Variants in ERG observed in about 807,000 individuals in gnomAD.
The protein encoded by ERG is ETS transcription factor ERG.
A neutral mutation model predicts 55.3 loss-of-function variants in ERG; 9 were observed. The observed-to-expected ratio is 0.16, with a 90% CI of 0.10 to 0.28. The LOEUF (loss-of-function observed/expected upper bound fraction) is 0.28, where lower values mean the gene tolerates loss of function less well. Among genes scored for constraint, ERG ranks in the 10% least tolerant of loss-of-function variants. The pLI is 1.00. For synonymous variants in ERG, 223 were observed against 237.3 expected (o/e 0.94, Z 0.55); for missense variants, 434 against 631.6 (o/e 0.69, Z 3.35).
intron 1 of ERG, among the ~76,000 whole-genome samples, chr21:38,661,122 T>A (rs1462977151): frequency 1.9e-5 from 2 of 104,114 alleles, no homozygotes; most frequent in Non-Finnish European, 3.6e-5. Flanking sequence ...ACGCGACTAC[T>A]GGAGGGGCGA....
chr21:38,645,240 G>A (rs941715864), intron 1 of ERG, among the ~76,000 whole-genome samples: 10 of 152,048 alleles, frequency 6.6e-5, no homozygotes, highest in Admixed American at 3.3e-4. Context: ...TACAGTTAAC[G>A]GCCCCAATTA....
chr21:38,642,383 T>C (rs78464746), intron 1 of ERG, among the ~76,000 whole-genome samples: 1 of 152,350 alleles, frequency 6.6e-6, no homozygotes, highest in East Asian at 1.9e-4. Flanking sequence ...CACCATCTTC[T>C]AAAGTTCAAA....
intron 1 of ERG, among the ~76,000 whole-genome samples, chr21:38,594,371 C>T (rs923035912): frequency 2.8e-4 from 43 of 152,204 alleles, no homozygotes; most frequent in African/African-American, 6.5e-4. Flanking sequence ...CATGCCTCCC[C>T]GTTAACCCAT....
At chr21:38,554,526 A>G (rs565561330) in intron 2 of ERG, among the ~76,000 whole-genome samples, 1 of 152,320 alleles carries the variant, frequency 6.6e-6, no homozygotes, top group African/African-American at 2.4e-5. Flanking sequence ...TTGCAGTAAC[A>G]TGAATGGAGC....
chr21:38,390,169 T>C (rs556889708), intron 9 of ERG, among the ~76,000 whole-genome samples: 1 of 152,318 alleles, frequency 6.6e-6, no homozygotes, highest in South Asian at 2.1e-4. Context: ...AATAAAACTA[T>C]GTGGTTGGCA....
At chr21:38,659,654 G>A (rs544432326) in intron 1 of ERG, among the ~76,000 whole-genome samples, 1 of 152,370 alleles carries the variant, frequency 6.6e-6, no homozygotes, top group South Asian at 2.1e-4. Flanking sequence ...TGTACAGAGT[G>A]AAACCTGTAG....
chr21:38,461,060 G>A (rs370343933), intron 1 of ERG, among the ~76,000 whole-genome samples: 30 of 152,254 alleles, frequency 2.0e-4, no homozygotes, highest in African/African-American at 5.1e-4. Context: ...TTCAATATTC[G>A]ATACATAGTC....
chr21:38,550,405 C>T (rs982598107), intron 2 of ERG, among the ~76,000 whole-genome samples: 5 of 151,066 alleles, frequency 3.3e-5, no homozygotes, highest in African/African-American at 9.9e-5. Flanking sequence ...TAAATCCTTA[C>T]CCCCAAGGTA....
chr21:38,400,162 T>G, intron 6 of ERG: 1 of 406,448 alleles, frequency 2.5e-6, no homozygotes, highest in East Asian at 4.2e-5. Context: ...ACTGGTTGCA[T>G]GCTTCTGCTC....
At chr21:38,499,245 A>T (rs1034322571), upstream of ERG, among the ~76,000 whole-genome samples, 12 of 152,192 alleles carry the variant, frequency 7.9e-5, no homozygotes, top group Admixed American at 2.0e-4. Context: ...ACAGACATCC[A>T]TGTTGCAGAC....
chr21:38,380,033 G>A (rs2836352), downstream of ERG: 188,601 of 1,010,456 alleles, frequency 0.19, 18,311 homozygotes, highest in South Asian at 0.3. Context: ...AGAATTTGGT[G>A]TATTTTTGAG....
exon 2 of ERG, chr21:38,575,673 C>A: frequency 6.2e-7 from 1 of 1,613,910 alleles, no homozygotes; most frequent in Non-Finnish European, 8.5e-7. Flanking sequence ...TTGATATGAG[C>A]TGCTGGGTCC....
rs1192634875 is a variant in ERG, at chr21:38,435,080, C to T, written c.236+10324G>A. ...GAAATGGAAAGGCTTTCTTTGGCAG[C>T]TCTACCCTAAGAGGGCAAAGGGGTC... On this transcript the variant is annotated intron_variant, in intron 2 of 9. Transcript: ENST00000288319. Among the ~76,000 whole-genome samples, 4 of 152,198 alleles carry T rather than the reference C, an allele frequency of 2.6e-5. No individual in the cohort carries two copies. In the East Asian group the frequency reaches 7.7e-4, roughly 29 times the overall value.
intron 3 of ERG, among the ~76,000 whole-genome samples, chr21:38,420,652 C>A (rs2045966469): frequency 6.6e-6 from 1 of 152,220 alleles, no homozygotes; most frequent in Admixed American, 6.5e-5. Context: ...CTCTTCCCCA[C>A]ACAAATATCT....
chr21:38,457,821 A>G (rs1781365321), intron 1 of ERG, among the ~76,000 whole-genome samples: 1 of 152,152 alleles, frequency 6.6e-6, no homozygotes, highest in African/African-American at 2.4e-5. Context: ...GGGCCTTCCA[A>G]GTTGCCTACT....
intron 1 of ERG, among the ~76,000 whole-genome samples, chr21:38,578,269 C>T (rs1568926931): frequency 6.6e-6 from 1 of 152,204 alleles, no homozygotes; most frequent in Non-Finnish European, 1.5e-5. Flanking sequence ...GTTTATTACA[C>T]ACACAGGTCA....
At chr21:38,551,199 T>C (rs1301303995) in intron 2 of ERG, among the ~76,000 whole-genome samples, 10 of 152,066 alleles carry the variant, frequency 6.6e-5, no homozygotes, top group African/African-American at 2.4e-4. Flanking sequence ...AATGTCCCCT[T>C]TGTCATTTCT....
intron 2 of ERG, among the ~76,000 whole-genome samples, chr21:38,545,237 A>G (rs1202650609): frequency 6.6e-6 from 1 of 152,094 alleles, no homozygotes; most frequent in Non-Finnish European, 1.5e-5. Flanking sequence ...CTTGTTTTCT[A>G]TATACTTTTT....
intron 3 of ERG, among the ~76,000 whole-genome samples, chr21:38,405,347 C>T (rs1988714848): frequency 6.6e-6 from 1 of 152,188 alleles, no homozygotes. Context: ...TAGGCCTCCC[C>T]CATGTGAATA....
Sources: allele counts gnomAD v4.1 joint callset (sites outside exome capture counted in the v4.1 genomes callset), GRCh38; gene constraint gnomAD v4.1.1; transcripts MANE v1.5; gene names NCBI Gene and HGNC (gene_info 2026-07-23, HGNC 2026-07-21).